Variants in NT5C2 observed in about 807,000 individuals in gnomAD.
NT5C2 encodes the protein cytosolic purine 5'-nucleotidase.
NT5C2 carries 58 observed loss-of-function variants against 76.1 expected under a neutral mutation model. The ratio of observed to expected loss-of-function variants is 0.76; its 90% CI spans 0.62 to 0.95. The LOEUF (loss-of-function observed/expected upper bound fraction) is 0.95, where lower values mean the gene tolerates loss of function less well. Among genes scored for constraint, NT5C2 ranks in the 40% least tolerant of loss-of-function variants. The pLI is 0.00. For synonymous variants in NT5C2, 229 were observed against 237.4 expected, an observed-to-expected ratio of 0.96 and a Z score of 0.32; for missense variants, 478 against 690.3, an observed-to-expected ratio of 0.69 and a Z score of 3.45.
intron 6 of NT5C2, among the ~76,000 whole-genome samples, chr10:103,101,791 A>G (rs1426642514): frequency 6.6e-6 from 1 of 152,224 alleles, no homozygotes; most frequent in Non-Finnish European, 1.5e-5. Context: ...TTTCAACTTA[A>G]GAGGTAGAGA....
At chr10:103,193,112 G>C (rs1177405413) in intron 1 of NT5C2, 124 bp downstream of exon 1, 1 of 151,696 alleles carries the variant, frequency 6.6e-6, no homozygotes, top group Non-Finnish European at 1.5e-5. Flanking sequence ...GGTCCCTGGG[G>C]GCCGGGGGCG....
intron 15 of NT5C2, among the ~76,000 whole-genome samples, chr10:103,091,886 GC>G (rs1266749906): frequency 6.6e-6 from 1 of 152,096 alleles, no homozygotes; most frequent in Non-Finnish European, 1.5e-5. Context: ...CCAGCTGCAC[GC>G]TCATTCTGAG....
chr10:103,154,839 T>C (rs188183476), intron 3 of NT5C2, among the ~76,000 whole-genome samples: 48 of 152,306 alleles, frequency 3.2e-4, no homozygotes, highest in Admixed American at 3.1e-3. Flanking sequence ...AGAATACAAA[T>C]TGAATATGGA....
At position 103,089,052 on chromosome 10, in the gene NT5C2, T is replaced by C. The variant is rs2066066210; in HGVS notation, c.*620A>G. The C allele has an allele frequency of 4.6e-6, 1 of 218,800 alleles. No individual in the cohort carries two copies. The highest frequency in any genetic ancestry group is 9.2e-6 in the Non-Finnish European group (1 of 108,922). The allele number at this position is 218,800 out of a possible 1,614,324, so 13.6% of individuals were successfully genotyped here. A position where few individuals can be genotyped will look rare whatever the true frequency, so the allele number is the denominator to read the frequency against. ...CAAAAGGTAATAAGGATACTGTCTT[T>C]TCCCTCAAAATAGAATCCTGCCCTA... On this transcript the variant is annotated 3_prime_UTR_variant, in exon 19 of 19. Transcript: ENST00000404739.
At chr10:103,183,119 C>T (rs2091377572) in intron 1 of NT5C2, among the ~76,000 whole-genome samples, 1 of 151,758 alleles carries the variant, frequency 6.6e-6, no homozygotes, top group Non-Finnish European at 1.5e-5. Flanking sequence ...AAACTAAATC[C>T]TCATATTTGT....
intron 3 of NT5C2, among the ~76,000 whole-genome samples, chr10:103,165,348 C>T (rs916903820): frequency 1.3e-5 from 2 of 152,090 alleles, no homozygotes; most frequent in African/African-American, 2.4e-5. Context: ...ACAAAATTAG[C>T]CTGGCGTGCT....
At chr10:103,187,010 G>C (rs2092111975) in intron 1 of NT5C2, among the ~76,000 whole-genome samples, 2 of 152,178 alleles carry the variant, frequency 1.3e-5, no homozygotes, top group Admixed American at 1.3e-4. Flanking sequence ...CAGCACTCTG[G>C]GAGGCTGAGG....
intron 3 of NT5C2, among the ~76,000 whole-genome samples, chr10:103,151,756 C>T (rs761584901): frequency 1.3e-5 from 2 of 152,046 alleles, no homozygotes; most frequent in South Asian, 4.2e-4. Flanking sequence ...CTTATGAAAA[C>T]GGTGAATGTA....
intron 3 of NT5C2, among the ~76,000 whole-genome samples, chr10:103,148,700 C>G (rs2081933814): frequency 6.6e-6 from 1 of 152,004 alleles, no homozygotes; most frequent in Non-Finnish European, 1.5e-5. Flanking sequence ...AATGTGTTAT[C>G]ACTTATAAAA....
chr10:103,183,262 G>GATATATATATATATATATATATATATAT (rs201371414), intron 1 of NT5C2, among the ~76,000 whole-genome samples: 19 of 73,372 alleles, frequency 2.6e-4, no homozygotes, highest in East Asian at 3.9e-4. Context: ...GTGTGTGTGT[G>GATATATATATATATATATATATATATAT]ATATATATAT....
intron 10 of NT5C2, 21 bp downstream of exon 10, chr10:103,098,910 A>G (rs749828531): frequency 2.5e-5 from 39 of 1,537,278 alleles, no homozygotes; most frequent in South Asian, 1.5e-4. Context: ...ATGCAGATCT[A>G]TTTTCCCCTA....
At chr10:103,169,442 C>T (rs1196614788) in intron 3 of NT5C2, 2 of 152,082 alleles carry the variant, frequency 1.3e-5, no homozygotes, top group Non-Finnish European at 2.9e-5. Context: ...CACAGCAAGA[C>T]TTTGTCTCTA....
chr10:103,115,991 CA>C (rs1274748316), intron 4 of NT5C2, among the ~76,000 whole-genome samples: 1 of 151,984 alleles, frequency 6.6e-6, no homozygotes, highest in Non-Finnish European at 1.5e-5. Context: ...TGACTGTAGA[CA>C]GTACTTTATT....
At chr10:103,093,349 A>G (rs1412418912) in intron 14 of NT5C2, 40 bp from the exon 15 acceptor site, 7 of 1,482,006 alleles carry the variant, frequency 4.7e-6, no homozygotes, top group East Asian at 2.4e-5. Flanking sequence ...CTGTCCCTAT[A>G]TTAAAATCAG....
rs575601273 is a variant in NT5C2, at chr10:103,169,813, T to C, written c.101+5045A>G. Among the ~76,000 whole-genome samples the C allele has an allele frequency of 2.8e-4, 42 of 151,914 alleles. 1 individual carries two copies. The South Asian group carries it at 5.2e-3, about 19-fold the overall frequency. ...TTGGACAACATAGTGAGACCACATC[T>C]CTAGAAAAAAATTTTTTAAATTACC... On this transcript the variant is annotated intron_variant, in intron 3 of 18. Coordinates refer to ENST00000404739, the MANE Select transcript of NT5C2 (RefSeq NM_001351169.2).
At chr10:103,090,899 T>C (rs746153633) in intron 17 of NT5C2, 37 bp downstream of exon 17, 3 of 1,608,046 alleles carry the variant, frequency 1.9e-6, no homozygotes, top group Non-Finnish European at 2.6e-6. Context: ...CATTTAAACT[T>C]ATTTCCCAAG....
At chr10:103,136,411 A>T (rs990346098) in intron 4 of NT5C2, among the ~76,000 whole-genome samples, 1 of 152,208 alleles carries the variant, frequency 6.6e-6, no homozygotes, top group Non-Finnish European at 1.5e-5. Context: ...GACAGAATCC[A>T]TGTGTTAAAT....
intron 4 of NT5C2, among the ~76,000 whole-genome samples, chr10:103,129,442 A>C (rs1170425883): frequency 1.2e-5 from 1 of 84,588 alleles, no homozygotes; most frequent in Admixed American, 1.1e-4. Context: ...GGAGCCCCTC[A>C]GCCCGGCCAG....
intron 3 of NT5C2, among the ~76,000 whole-genome samples, chr10:103,144,485 G>T (rs1339992770): frequency 6.6e-6 from 1 of 152,160 alleles, no homozygotes; most frequent in East Asian, 1.9e-4. Flanking sequence ...TTCTTTCTTT[G>T]TTAGAAAAGA....
Sources: gnomAD v4.1 joint callset for allele counts (sites outside exome capture counted in the v4.1 genomes callset) on GRCh38, gnomAD v4.1.1 for gene constraint, MANE v1.5 for transcripts, NCBI Gene and HGNC (gene_info 2026-07-23, HGNC 2026-07-21) for gene names.